The following MDGA2 variants were observed in gnomAD, a reference collection of about 807,000 sequenced individuals.
MDGA2 encodes MAM domain-containing glycosylphosphatidylinositol anchor protein 2.
Under a neutral mutation model 117.8 loss-of-function variants are expected in MDGA2, and 40 were observed. That is an observed-to-expected ratio of 0.34 (90% confidence interval 0.26 to 0.44). The LOEUF (loss-of-function observed/expected upper bound fraction) is 0.44, where lower values mean the gene tolerates loss of function less well. Ranked by LOEUF, MDGA2 falls within the 20% of genes least tolerant of loss-of-function variation. The pLI is 1.00. For missense variants in MDGA2, 1,123 were observed against 1,250.6 expected, an observed-to-expected ratio of 0.90 and a Z score of 1.54; for synonymous variants, 452 against 439.0, an observed-to-expected ratio of 1.03 and a Z score of -0.37.
intron 10 of MDGA2, among the ~76,000 whole-genome samples, chr14:46,888,585 T>A (rs1270906297): frequency 1.3e-5 from 2 of 151,862 alleles, no homozygotes; most frequent in African/African-American, 2.4e-5. Context: ...GCTGAAAAGG[T>A]CTCAGGAGGA....
At chr14:47,647,608 C>A (rs1488190376) in intron 1 of MDGA2, among the ~76,000 whole-genome samples, 1 of 152,124 alleles carries the variant, frequency 6.6e-6, no homozygotes, top group Non-Finnish European at 1.5e-5. Flanking sequence ...AAGTAGTTCA[C>A]ATTACCCATG....
intron 1 of MDGA2, among the ~76,000 whole-genome samples, chr14:47,572,707 T>C (rs1328699484): frequency 6.6e-6 from 1 of 152,266 alleles, no homozygotes; most frequent in African/African-American, 2.4e-5. Flanking sequence ...GCCAAGTTTC[T>C]GGGAAGGCAA....
chr14:46,898,339 T>TA (rs1883159553), intron 10 of MDGA2, among the ~76,000 whole-genome samples: 1 of 151,952 alleles, frequency 6.6e-6, no homozygotes, highest in African/African-American at 2.4e-5. Context: ...TATTGAAAAA[T>TA]AAAATTGGTA....
chr14:47,187,307 A>C (rs1884946807), intron 3 of MDGA2, among the ~76,000 whole-genome samples: 1 of 152,042 alleles, frequency 6.6e-6, no homozygotes, highest in African/African-American at 2.4e-5. Flanking sequence ...TAGTAATTTA[A>C]AAGTTTAAAC....
chr14:47,379,528 A>G (rs1360184866), intron 1 of MDGA2, among the ~76,000 whole-genome samples: 2 of 152,210 alleles, frequency 1.3e-5, no homozygotes, highest in Non-Finnish European at 2.9e-5. Context: ...AGGAAGATCT[A>G]CCAAGCAAAT....
intron 14 of MDGA2, among the ~76,000 whole-genome samples, chr14:46,862,114 G>T (rs974441513): frequency 1.1e-4 from 16 of 151,842 alleles, no homozygotes; most frequent in African/African-American, 3.6e-4. Flanking sequence ...CATCTCCAAG[G>T]ATTTTCAATT....
At chr14:47,553,230 A>G (rs1439200489) in intron 1 of MDGA2, among the ~76,000 whole-genome samples, 1 of 152,212 alleles carries the variant, frequency 6.6e-6, no homozygotes, top group African/African-American at 2.4e-5. Context: ...CTAGAATGTG[A>G]ACTTTCTGAG....
intron 1 of MDGA2, among the ~76,000 whole-genome samples, chr14:47,340,363 T>G (rs1477257414): frequency 6.6e-6 from 1 of 152,166 alleles, no homozygotes; most frequent in Non-Finnish European, 1.5e-5. Flanking sequence ...CCTTTATCAC[T>G]GTGGTCTTTC....
chr14:46,863,788 G>A (rs189561041), intron 14 of MDGA2, among the ~76,000 whole-genome samples: 2 of 152,038 alleles, frequency 1.3e-5, no homozygotes, highest in African/African-American at 4.8e-5. Context: ...AAAAAAATGA[G>A]TTTAGAAGTA....
intron 10 of MDGA2, among the ~76,000 whole-genome samples, chr14:46,886,779 A>G (rs2138405587): frequency 6.6e-6 from 1 of 152,178 alleles, no homozygotes; most frequent in South Asian, 2.1e-4. Flanking sequence ...GCTCTCTCTC[A>G]TATTGCTTCC....
chr14:46,995,663 T>A (rs34987553), intron 8 of MDGA2, among the ~76,000 whole-genome samples: 16,226 of 152,006 alleles, frequency 0.11, 1,114 homozygotes, highest in Middle Eastern at 0.18. Flanking sequence ...TCAAAGTATT[T>A]TCAGCAGAAA....
intron 7 of MDGA2, among the ~76,000 whole-genome samples, chr14:47,053,646 TATATATATAC>T (rs1323369316): frequency 6.7e-3 from 267 of 39,756 alleles, no homozygotes; most frequent in African/African-American, 0.02. Context: ...TATATATATA[TATATATATAC>T]ACACACACAC....
intron 1 of MDGA2, chr14:47,343,271 T>A (rs1042836246): frequency 8.8e-7 from 1 of 1,137,184 alleles, no homozygotes; most frequent in Non-Finnish European, 1.1e-6. Flanking sequence ...TTGTATTACA[T>A]CAGGAAGGCA....
chr14:46,865,359 C>T (rs1260717040), intron 14 of MDGA2, among the ~76,000 whole-genome samples: 1 of 152,108 alleles, frequency 6.6e-6, no homozygotes, highest in East Asian at 1.9e-4. Context: ...GCTAAAAACT[C>T]TCAATCAATT....
intron 1 of MDGA2, among the ~76,000 whole-genome samples, chr14:47,372,993 G>C (rs933622402): frequency 3.3e-5 from 5 of 151,890 alleles, no homozygotes; most frequent in Non-Finnish European, 7.4e-5. Flanking sequence ...GCAAATACCA[G>C]TATTATCCCA....
intron 10 of MDGA2, among the ~76,000 whole-genome samples, chr14:46,914,561 G>C (rs1477646104): frequency 6.6e-6 from 1 of 151,900 alleles, no homozygotes; most frequent in Non-Finnish European, 1.5e-5. Context: ...TTAACCAAAA[G>C]GGAATGCTGG....
chr14:46,925,765 C>T (rs966684869), intron 9 of MDGA2, among the ~76,000 whole-genome samples: 7 of 151,524 alleles, frequency 4.6e-5, no homozygotes, highest in Admixed American at 1.3e-4. Flanking sequence ...CTACTGGGAC[C>T]AAAGAAAGGC....
chr14:47,171,604 G>A (rs1462137456), intron 3 of MDGA2, among the ~76,000 whole-genome samples: 3 of 152,308 alleles, frequency 2.0e-5, no homozygotes, highest in African/African-American at 7.2e-5. Context: ...TTGAATGCAT[G>A]CTGCTAATCA....
chr14:47,423,860 G>A (rs1892630642), intron 1 of MDGA2, among the ~76,000 whole-genome samples: 1 of 151,974 alleles, frequency 6.6e-6, no homozygotes, highest in Admixed American at 6.6e-5. Flanking sequence ...CACCCAGGCT[G>A]AAGTGCAGTG....
Sources: allele counts gnomAD v4.1 joint callset (sites outside exome capture counted in the v4.1 genomes callset), GRCh38; gene constraint gnomAD v4.1.1; transcripts MANE v1.5; gene names NCBI Gene and HGNC (gene_info 2026-07-23, HGNC 2026-07-21).